The following ANKRD7 variants were observed in gnomAD, a reference collection of about 807,000 sequenced individuals.
The protein encoded by ANKRD7 is ankyrin repeat domain-containing protein 7.
A neutral mutation model predicts 30.8 loss-of-function variants in ANKRD7; 30 were observed. The ratio of observed to expected loss-of-function variants is 0.97; its 90% CI spans 0.73 to 1.32. The LOEUF (loss-of-function observed/expected upper bound fraction) is 1.32. Ranked by LOEUF, ANKRD7 falls within the 40% of genes most tolerant of loss-of-function variation. The pLI, the probability that ANKRD7 is intolerant of heterozygous loss-of-function variation, is 0.00. For missense variants in ANKRD7, 264 were observed against 295.7 expected (o/e 0.89, Z 0.79); for synonymous variants, 97 against 106.6 (o/e 0.91, Z 0.55).
At position 118,224,805 on chromosome 7, in the gene ANKRD7, A is replaced by T; in HGVS notation, c.-26A>T. 2.5e-6 allele frequency: 4 copies of T among 1,600,250 alleles called. No homozygotes were observed. The highest frequency in any genetic ancestry group is 3.4e-6 in the Non-Finnish European group (4 of 1,175,204). On this transcript the variant is annotated 5_prime_UTR_variant, in exon 1 of 7. Transcript: ENST00000265224. ...GGAGTTCAAGAAACATCCTGGTCTGAGGGAAAGGCTGCAGCCTGCACCGCC... is the reference window on the plus strand; with the variant it reads ...GGAGTTCAAGAAACATCCTGGTCTGTGGGAAAGGCTGCAGCCTGCACCGCC...
At chr7:118,229,809 G>A (rs1809604101) in intron 1 of ANKRD7, among the ~76,000 whole-genome samples, 1 of 152,002 alleles carries the variant, frequency 6.6e-6, no homozygotes, top group South Asian at 2.1e-4. Flanking sequence ...AAATCCAGTA[G>A]TACATCAAAA....
At chr7:118,236,951 A>C (rs749493764) in intron 5 of ANKRD7, 25 bp downstream of exon 5, 1 of 1,611,308 alleles carries the variant, frequency 6.2e-7, no homozygotes, top group East Asian at 2.2e-5. Flanking sequence ...ATGTCTTTTA[A>C]CAACTGTATG....
intron 1 of ANKRD7, among the ~76,000 whole-genome samples, chr7:118,230,305 T>A (rs909634418): frequency 6.6e-6 from 1 of 151,952 alleles, no homozygotes; most frequent in Non-Finnish European, 1.5e-5. Context: ...AATGGTGGGA[T>A]GGGCATGAGA....
intron 1 of ANKRD7, among the ~76,000 whole-genome samples, chr7:118,228,409 G>A (rs1030503821): frequency 3.9e-5 from 6 of 152,106 alleles, no homozygotes; most frequent in Non-Finnish European, 8.8e-5. Context: ...CCCTTAATGG[G>A]TAGGGGAGGG....
chr7:118,235,648 T>C (rs1392953336), intron 3 of ANKRD7, among the ~76,000 whole-genome samples: 1 of 151,162 alleles, frequency 6.6e-6, no homozygotes. Flanking sequence ...ATTGATACTT[T>C]ACTGATATTT....
intron 1 of ANKRD7, among the ~76,000 whole-genome samples, chr7:118,232,009 T>C (rs535733357): frequency 1.3e-5 from 2 of 152,254 alleles, no homozygotes; most frequent in South Asian, 2.1e-4. Flanking sequence ...TGGAATAATA[T>C]TGATTTTAAA....
chr7:118,234,812 C>T lies in ANKRD7; in HGVS notation c.406C>T (p.Gln136Ter). ...NTVLHYAVCG[Q>*]SLSLVEKLLE... ...TGTTCTTCACTATGCTGTTTGTGGT[C>T]AAAGTTTGTCATTAGTTGAAAAACT... is the stretch of plus-strand genomic sequence containing the variant. The change falls in exon 3 of 7, where the codon CAA becomes TAA. Residue 136 changes from glutamine to a stop codon, truncating the protein, a stop_gained. Transcript: ENST00000265224. LOFTEE classifies it high-confidence loss of function. 6.2e-7 allele frequency: 1 copy of T among 1,611,958 alleles called. No individual in the cohort carries two copies. The highest frequency in any genetic ancestry group is 8.5e-7 in the Non-Finnish European group (1 of 1,179,428).
chr7:118,230,666 A>G (rs2116003086), intron 1 of ANKRD7, among the ~76,000 whole-genome samples: 1 of 151,836 alleles, frequency 6.6e-6, no homozygotes, highest in East Asian at 1.9e-4. Context: ...AGAGAGAGAG[A>G]GAGATACTGA....
At chr7:118,234,642 TA>T (rs1809696707) in intron 2 of ANKRD7, 58 bp from the exon 3 acceptor site, 1 of 1,562,892 alleles carries the variant, frequency 6.4e-7, no homozygotes, top group African/African-American at 1.4e-5. Flanking sequence ...TATCAAACAT[TA>T]ATTTATCATA....
intron 5 of ANKRD7, 81 bp from the exon 6 acceptor site, chr7:118,239,828 C>A: frequency 2.3e-6 from 2 of 868,534 alleles, no homozygotes; most frequent in Non-Finnish European, 3.5e-6. Flanking sequence ...TTGGCTGGTA[C>A]CTAAGGTTTT....
At chr7:118,234,915 G>A in intron 3 of ANKRD7, 41 bp downstream of exon 3, 1 of 1,490,902 alleles carries the variant, frequency 6.7e-7, no homozygotes, top group South Asian at 1.3e-5. Context: ...ATTTTAGAAA[G>A]CAACTGAAGA....
At chr7:118,234,264 A>G (rs16870193) in intron 1 of ANKRD7, among the ~76,000 whole-genome samples, 167 bp from the exon 2 acceptor site, 1,527 of 152,308 alleles carry the variant, frequency 0.01, 32 homozygotes, top group African/African-American at 0.032. Context: ...CGCAGCCCTG[A>G]AAGTTCAATA....
intron 1 of ANKRD7, among the ~76,000 whole-genome samples, chr7:118,229,306 A>G (rs1207145871): frequency 2.0e-5 from 3 of 151,988 alleles, no homozygotes; most frequent in Non-Finnish European, 4.4e-5. Context: ...CCTCACTGAC[A>G]TTTCCTACCC....
At chr7:118,238,302 T>C (rs2116023536) in intron 5 of ANKRD7, among the ~76,000 whole-genome samples, 1 of 152,308 alleles carries the variant, frequency 6.6e-6, no homozygotes, top group South Asian at 2.1e-4. Flanking sequence ...AATTACATTT[T>C]TTTTTCTTTT....
intron 1 of ANKRD7, among the ~76,000 whole-genome samples, chr7:118,230,648 G>T (rs955002167): frequency 2.6e-5 from 4 of 151,894 alleles, no homozygotes; most frequent in Non-Finnish European, 4.4e-5. Context: ...GTGTGTGTGT[G>T]TGTAGAGAGA....
In ANKRD7 at chr7:118,238,052, G is replaced by A. The variant is rs565993089; in HGVS notation, c.712+1126G>A. 2.5e-3 allele frequency among the ~76,000 whole-genome samples: 386 copies of A among 152,164 alleles called. 2 individuals carry two copies. Among genetic ancestry groups the A allele is most frequent in the African/African-American group, 8.9e-3 (369 of 41,536 alleles). On this transcript the variant is annotated intron_variant, in intron 5 of 6. Transcript: ENST00000265224. ...GTAATGTATCTATTGGTCAAAAACA[G>A]AACTTGTATATTTAAAATACTTATT...
Position 118,226,783 on chromosome 7 carries a change from T to C in ANKRD7, c.179+1774T>C, listed in dbSNP as rs1418769458. ...AATTTTTCAATATTTTTAGGCTACA[T>C]GTTTCATCTGCTAGTTTTTTCAAAT... On this transcript the variant is annotated intron_variant, in intron 1 of 6. Coordinates refer to ENST00000265224, the MANE Select transcript of ANKRD7 (RefSeq NM_019644.4). Among the ~76,000 whole-genome samples, 4 of 152,212 alleles carry C rather than the reference T, an allele frequency of 2.6e-5. No homozygotes were observed. In the East Asian group the frequency reaches 5.8e-4, roughly 22 times the overall value.
chr7:118,237,590 G>A (rs760323628), intron 5 of ANKRD7, among the ~76,000 whole-genome samples: 4 of 151,706 alleles, frequency 2.6e-5, no homozygotes, highest in Non-Finnish European at 5.9e-5. Context: ...TTATAAGTAG[G>A]TATTTTTTCA....
intron 1 of ANKRD7, 123 bp downstream of exon 1, chr7:118,225,132 TTGTC>T: frequency 8.8e-7 from 1 of 1,138,366 alleles, no homozygotes. Context: ...AGAAGAGAGA[TTGTC>T]TGGTAACCAT....
Sources: allele counts gnomAD v4.1 joint callset (sites outside exome capture counted in the v4.1 genomes callset), GRCh38; gene constraint gnomAD v4.1.1; transcripts MANE v1.5; gene names NCBI Gene and HGNC (gene_info 2026-07-23, HGNC 2026-07-21).